AASDH: variants seen among roughly 807,000 people sequenced by gnomAD.
AASDH encodes the protein beta-alanine-activating enzyme.
Under a neutral mutation model 102.3 loss-of-function variants are expected in AASDH, and 81 were observed. The observed-to-expected ratio is 0.79, with a 90% CI of 0.66 to 0.95. The LOEUF is 0.95. AASDH is among the 40% of genes least tolerant of loss of function. The probability of loss-of-function intolerance (pLI) is 0.00; values close to 1 mark genes in which losing one functional copy is unlikely to be tolerated. For missense variants in AASDH, 1,203 were observed against 1,266.2 expected, an observed-to-expected ratio of 0.95 and a Z score of 0.76; for synonymous variants, 398 against 454.0, an observed-to-expected ratio of 0.88 and a Z score of 1.57.
At chr4:56,374,006 C>T (rs763906379) in intron 4 of AASDH, among the ~76,000 whole-genome samples, 1 of 152,118 alleles carries the variant, frequency 6.6e-6, no homozygotes, top group Non-Finnish European at 1.5e-5. Flanking sequence ...TCCTCATTTT[C>T]CCAACCACCA....
intron 9 of AASDH, among the ~76,000 whole-genome samples, chr4:56,351,917 CAAA>C (rs34850926): frequency 1.0e-4 from 10 of 99,436 alleles, no homozygotes; most frequent in Non-Finnish European, 1.1e-4. Flanking sequence ...ACCCTATCTC[CAAA>C]AAAAAAAAAA....
At chr4:56,376,770 T>G (rs1752378350) in intron 4 of AASDH, among the ~76,000 whole-genome samples, 2 of 152,168 alleles carry the variant, frequency 1.3e-5, no homozygotes, top group South Asian at 2.1e-4. Context: ...ATAAAATATA[T>G]TGTTAAAATT....
chr4:56,340,910 G>GA (rs918648498), intron 14 of AASDH, among the ~76,000 whole-genome samples: 1 of 151,996 alleles, frequency 6.6e-6, no homozygotes, highest in Non-Finnish European at 1.5e-5. Context: ...ACAGGTATAT[G>GA]AAAAAAACAC....
At chr4:56,358,892 T>C (rs1390885349) in intron 5 of AASDH, among the ~76,000 whole-genome samples, 1 of 152,234 alleles carries the variant, frequency 6.6e-6, no homozygotes, top group African/African-American at 2.4e-5. Flanking sequence ...CAATCAATTA[T>C]TGAAAGTGGG....
At position 56,354,061 on chromosome 4, in the gene AASDH, A is replaced by C; in HGVS notation, c.1361T>G (p.Leu454Arg). 2 of 1,611,612 alleles carry C rather than the reference A, an allele frequency of 1.2e-6. No homozygotes were observed. Among genetic ancestry groups the C allele is most frequent in the South Asian group, 1.1e-5 (1 of 90,516 alleles). ...DSQIKRHGKR[L>R]NIELVQQVAE... is the part of the protein sequence containing the mutation. Reference sequence around the variant, plus strand: ...TACCTGTTGCACAAGTTCAATGTTAAGACGTTTGCCATGACGTTTGATCTG... The same window carrying C: ...TACCTGTTGCACAAGTTCAATGTTACGACGTTTGCCATGACGTTTGATCTG... The change falls in exon 8 of 15, where the codon CTT (leucine) becomes CGT (arginine). Residue 454 changes from leucine (L) to arginine (R), a missense_variant. Transcript: ENST00000205214.
Position 56,378,401 on chromosome 4 carries a change from G to A in AASDH, c.415C>T (p.Leu139=). The part of the protein sequence containing the change: ...YDTFTVEHND[L]VLFRLHWKNT... ...TTCCAGTGAAGTCTGAAGAGCACTA[G>A]GTCATTATGTTCCACTGTAAATGTA... Residue 139 remains leucine, a synonymous_variant, in exon 4 of 15, where the codon CTA becomes TTA. Transcript: ENST00000205214. 1 of 1,613,392 alleles carries A rather than the reference G, an allele frequency of 6.2e-7. No homozygotes were observed. The highest frequency in any genetic ancestry group is 8.5e-7 in the Non-Finnish European group (1 of 1,179,690).
At position 56,356,610 on chromosome 4, in the gene AASDH, C is replaced by T. The variant is rs1749669901; in HGVS notation, c.862-1187G>A. The T allele has an allele frequency of 7.0e-6, 5 of 718,696 alleles. No homozygotes were observed. The Admixed American group carries it at 7.7e-5, about 11-fold the overall frequency. The allele number at this position is 718,696 out of a possible 1,614,324, so 44.5% of individuals were successfully genotyped here. On this transcript the variant is annotated intron_variant, in intron 5 of 14. Coordinates refer to ENST00000205214, the MANE Select transcript of AASDH (RefSeq NM_181806.4). ...AAGCTCAGCTGGTGGTGACTGCACA[C>T]GTGGCTCCCATCGAGTTGGTTGTCT...
chr4:56,347,464 T>C (rs917001165), intron 11 of AASDH, among the ~76,000 whole-genome samples: 1 of 152,166 alleles, frequency 6.6e-6, no homozygotes, highest in East Asian at 1.9e-4. Context: ...AAACCTAACA[T>C]ACTTGGGAGA....
chr4:56,368,054 C>A (rs1385290996), intron 5 of AASDH, among the ~76,000 whole-genome samples: 1 of 152,114 alleles, frequency 6.6e-6, no homozygotes, highest in Non-Finnish European at 1.5e-5. Flanking sequence ...AACAAGTGGG[C>A]GAAGGATATG....
chr4:56,350,584 A>G (rs1037704252), intron 10 of AASDH, among the ~76,000 whole-genome samples: 1 of 152,070 alleles, frequency 6.6e-6, no homozygotes, highest in Non-Finnish European at 1.5e-5. Context: ...AATTCACTCT[A>G]AAAGTACAAA....
rs761095272 is a variant in AASDH at position 56,384,254 on chromosome 4, C to T, written c.46G>A (p.Asp16Asn). 1.5e-5 allele frequency: 25 copies of T among 1,614,086 alleles called. 1 individual carries two copies. Among genetic ancestry groups the T allele is most frequent in the Middle Eastern group, 1.7e-4 (1 of 6,060 alleles). The part of the protein sequence containing the change: ...LVHKAASCYM[D>N]RVAVCFDECN... ...TCATCAAAACATACAGCTACTCTGT[C>T]CATATAACAGGAGGCAGCCTTATGC... Residue 16 changes from aspartate (D) to asparagine (N), a missense_variant, in exon 2 of 15, where the codon GAC becomes AAC. Coordinates refer to ENST00000205214, the MANE Select transcript of AASDH (RefSeq NM_181806.4).
At chr4:56,385,479 G>A (rs1194590112) in intron 1 of AASDH, among the ~76,000 whole-genome samples, 1 of 152,116 alleles carries the variant, frequency 6.6e-6, no homozygotes, top group Non-Finnish European at 1.5e-5. Flanking sequence ...AAACACTCGG[G>A]ATCAACGGTA....
At chr4:56,340,154 ACAAGATT>A (rs1385856456) in intron 14 of AASDH, among the ~76,000 whole-genome samples, 2 of 152,180 alleles carry the variant, frequency 1.3e-5, no homozygotes, top group Admixed American at 6.6e-5. Flanking sequence ...GGGCAACAGA[ACAAGATT>A]CCATCTCAAA....
chr4:56,374,300 A>C (rs1752085474), intron 4 of AASDH, among the ~76,000 whole-genome samples: 1 of 148,634 alleles, frequency 6.7e-6, no homozygotes, highest in Middle Eastern at 3.2e-3. Context: ...CCTGGGAGGC[A>C]GAAGTTGCAG....
At chr4:56,363,724 G>A (rs1281976691) in intron 5 of AASDH, among the ~76,000 whole-genome samples, 5 of 152,070 alleles carry the variant, frequency 3.3e-5, no homozygotes, top group Non-Finnish European at 5.9e-5. Flanking sequence ...CCATCTGTAC[G>A]TCACCATCAT....
At chr4:56,343,365 CATAT>C (rs10562096) in intron 13 of AASDH, among the ~76,000 whole-genome samples, 193 bp downstream of exon 13, 98,406 of 150,792 alleles carry the variant, frequency 0.65, 32,118 homozygotes, top group South Asian at 0.72. Flanking sequence ...CAAAAAAATA[CATAT>C]ATATATATAT....
At chr4:56,383,485 G>T (rs1023497099) in intron 2 of AASDH, among the ~76,000 whole-genome samples, 1 of 152,128 alleles carries the variant, frequency 6.6e-6, no homozygotes, top group African/African-American at 2.4e-5. Flanking sequence ...ACATATTATA[G>T]AATGAATAAA....
At chr4:56,381,040 G>A (rs752124129) in intron 3 of AASDH, among the ~76,000 whole-genome samples, 5 of 152,190 alleles carry the variant, frequency 3.3e-5, no homozygotes, top group South Asian at 2.1e-4. Flanking sequence ...GTTTTGCTGC[G>A]CCCAACTCCT....
At position 56,353,491 on chromosome 4, in the gene AASDH, T is replaced by G; in HGVS notation, c.1489A>C (p.Ile497Leu). ...AGATATTTCTGCAGTTCTTTAAAGA[T>G]GTATTCTTTTACTGAAGCATCTTTA... The part of the protein sequence containing the change: ...VSKDASVKEY[I>L]FKELQKYLPS... The change falls in exon 9 of 15, where the codon ATC (isoleucine) becomes CTC (leucine). Residue 497 changes from isoleucine to leucine, a missense_variant. Ile to Leu is a conservative substitution (Grantham distance 5, BLOSUM62 2). Coordinates refer to ENST00000205214, the MANE Select transcript of AASDH (RefSeq NM_181806.4). 6.2e-7 allele frequency: 1 copy of G among 1,613,896 alleles called. No individual in the cohort carries two copies.
Sources: gnomAD v4.1 joint callset for allele counts (sites outside exome capture counted in the v4.1 genomes callset) on GRCh38, gnomAD v4.1.1 for gene constraint, MANE v1.5 for transcripts, NCBI Gene and HGNC (gene_info 2026-07-23, HGNC 2026-07-21) for gene names.